Variants in LARP1B observed in about 807,000 individuals in gnomAD.
The protein encoded by LARP1B is la-related protein 1B.
LARP1B carries 76 observed loss-of-function variants against 114.2 expected under a neutral mutation model. The observed-to-expected ratio is 0.67, with a 90% CI of 0.55 to 0.81. The LOEUF is 0.81. LARP1B is among the 30% of genes least tolerant of loss of function. LARP1B has a pLI of 0.00. For missense variants in LARP1B, 1,014 were observed against 1,075.8 expected (o/e 0.94, Z 0.80); for synonymous variants, 345 against 348.0 (o/e 0.99, Z 0.10).
chr4:128,108,972 C>A, intron 9 of LARP1B: 1 of 306,446 alleles, frequency 3.3e-6, no homozygotes, highest in Non-Finnish European at 4.8e-6. Context: ...CTGAAACAAG[C>A]CAGTATATAT....
At chr4:128,098,351 C>G in intron 8 of LARP1B, 21 bp downstream of exon 8, 1 of 1,575,880 alleles carries the variant, frequency 6.3e-7, no homozygotes, top group Non-Finnish European at 8.7e-7. Context: ...ATTTGATGAA[C>G]AATTTGTACT....
Position 128,178,411 on chromosome 4 carries a change from AAG to A in LARP1B, c.1685-17_1685-16del. 2 of 1,537,658 alleles carry A rather than the reference AAG, an allele frequency of 1.3e-6. No individual in the cohort carries two copies. The highest frequency in any genetic ancestry group is 8.9e-7 in the Non-Finnish European group (1 of 1,119,960). On this transcript the variant is annotated intron_variant, in intron 13 of 19. Transcript: ENST00000326639. ...ATTTTCCTAGCATCTAAATAATTTT[AAG>A]AGTTTTTTATTTTGCAGATTTGACT... is the stretch of plus-strand genomic sequence containing the variant.
intron 1 of LARP1B, among the ~76,000 whole-genome samples, chr4:128,068,405 A>G (rs1336912792): frequency 4.6e-5 from 7 of 151,428 alleles, no homozygotes; most frequent in Non-Finnish European, 1.0e-4. Context: ...ACTGCAGCCT[A>G]GAACTCCTGG....
intron 7 of LARP1B, among the ~76,000 whole-genome samples, chr4:128,221,442 G>A (rs1308268425): frequency 6.6e-6 from 1 of 152,154 alleles, no homozygotes; most frequent in Non-Finnish European, 1.5e-5. Flanking sequence ...TTTACAATAA[G>A]CCTGTTTTTT....
chr4:128,100,200 C>T (rs1013570285), intron 8 of LARP1B, among the ~76,000 whole-genome samples: 12 of 151,974 alleles, frequency 7.9e-5, no homozygotes, highest in African/African-American at 1.9e-4. Context: ...GACTTTCAGG[C>T]GATCCATCCG....
At chr4:128,069,293 A>G in intron 1 of LARP1B, 3 of 869,310 alleles carry the variant, frequency 3.5e-6, no homozygotes, top group Non-Finnish European at 5.8e-6. Flanking sequence ...GGACTTTTAG[A>G]GCCCCACAGT....
intron 11 of LARP1B, among the ~76,000 whole-genome samples, chr4:128,135,146 A>AAAT (rs1561360246): frequency 1.1e-4 from 16 of 143,836 alleles, no homozygotes; most frequent in East Asian, 6.5e-4. Flanking sequence ...AATAAATAAA[A>AAAT]AGGATAACAA....
intron 5 of LARP1B, among the ~76,000 whole-genome samples, chr4:128,086,035 ACTGAGTCTCG>A (rs1773380003): frequency 9.6e-6 from 1 of 104,280 alleles, no homozygotes; most frequent in South Asian, 3.2e-4. Context: ...TTTTTTTGAG[ACTGAGTCTCG>A]CTCTGTCGCC....
At chr4:128,140,517 C>T (rs1727522535) in intron 11 of LARP1B, among the ~76,000 whole-genome samples, 1 of 151,982 alleles carries the variant, frequency 6.6e-6, no homozygotes, top group Non-Finnish European at 1.5e-5. Flanking sequence ...TAAAGAAAAA[C>T]CTGGAATAAT....
chr4:128,062,314 C>A, intron 1 of LARP1B: 1 of 974,716 alleles, frequency 1.0e-6, no homozygotes, highest in Non-Finnish European at 1.2e-6. Flanking sequence ...GGCACCAGGC[C>A]CGGGTAACGG....
chr4:128,218,186 G>A (rs1404837853), intron 6 of LARP1B, among the ~76,000 whole-genome samples: 6 of 116,782 alleles, frequency 5.1e-5, no homozygotes. Context: ...TCATGGGTAG[G>A]AAGAATCAAT....
intron 17 of LARP1B, among the ~76,000 whole-genome samples, chr4:128,204,465 G>A (rs950621934): frequency 1.3e-5 from 2 of 151,962 alleles, no homozygotes; most frequent in East Asian, 3.9e-4. Flanking sequence ...GACCAGCCTG[G>A]CCAACATGGT....
At chr4:128,062,856 A>G (rs1318450738) in intron 1 of LARP1B, among the ~76,000 whole-genome samples, 1 of 152,144 alleles carries the variant, frequency 6.6e-6, no homozygotes, top group Non-Finnish European at 1.5e-5. Flanking sequence ...ATGGCTGCAC[A>G]TGTATACATG....
intron 15 of LARP1B, among the ~76,000 whole-genome samples, chr4:128,185,886 T>G (rs1406513031): frequency 1.3e-5 from 2 of 152,160 alleles, no homozygotes; most frequent in Non-Finnish European, 2.9e-5. Context: ...CTTCAGACTT[T>G]TGCATTATGG....
At chr4:128,162,971 A>G (rs1739142772) in intron 12 of LARP1B, among the ~76,000 whole-genome samples, 1 of 152,150 alleles carries the variant, frequency 6.6e-6, no homozygotes, top group Admixed American at 6.5e-5. Context: ...AGATTTCTGT[A>G]TGTGTCTTTA....
At chr4:128,166,077 C>T (rs1181887401) in intron 12 of LARP1B, among the ~76,000 whole-genome samples, 1 of 152,006 alleles carries the variant, frequency 6.6e-6, no homozygotes, top group Non-Finnish European at 1.5e-5. Context: ...GTGTGGTTAA[C>T]AGTACCACTT....
At position 128,155,457 on chromosome 4, in the gene LARP1B, C is replaced by CT. The variant is rs1202964254; in HGVS notation, c.1525-6737_1525-6736insT. The CT allele has an allele frequency of 7.6e-5, 56 of 740,584 alleles. No homozygotes were observed. In the African/African-American group the frequency reaches 9.0e-4, roughly 12 times the overall value. The allele number at this position is 740,584 out of a possible 1,614,324, so 45.9% of individuals were successfully genotyped here. A position where few individuals can be genotyped will look rare whatever the true frequency, so the allele number is the denominator to read the frequency against. The stretch of plus-strand genomic sequence containing the variant: ...GCGTGGGTATGGCGACCCCGCGCAG[C>CT]CCCCCGGCCGCAGTGCAGGCAGCCC... On this transcript the variant is annotated intron_variant, in intron 11 of 19. Transcript: ENST00000326639.
At chr4:128,098,972 T>C (rs894909841) in intron 8 of LARP1B, among the ~76,000 whole-genome samples, 4 of 150,546 alleles carry the variant, frequency 2.7e-5, no homozygotes, top group African/African-American at 7.3e-5. Flanking sequence ...GAGACTTGGC[T>C]TCACTATCTT....
intron 5 of LARP1B, among the ~76,000 whole-genome samples, chr4:128,086,304 C>A (rs571511005): frequency 1.3e-5 from 2 of 152,082 alleles, no homozygotes; most frequent in South Asian, 2.1e-4. Flanking sequence ...CTCGCCCAGC[C>A]GCTTTGTCAT....
Sources: gnomAD v4.1 joint callset for allele counts (sites outside exome capture counted in the v4.1 genomes callset) on GRCh38, gnomAD v4.1.1 for gene constraint, MANE v1.5 for transcripts, NCBI Gene and HGNC (gene_info 2026-07-23, HGNC 2026-07-21) for gene names.